Variants in MAOA observed in about 807,000 individuals in gnomAD.
MAOA encodes monoamine oxidase A.
A neutral mutation model predicts 42.0 loss-of-function variants in MAOA; 6 were observed. That is an observed-to-expected ratio of 0.14 (90% confidence interval 0.08 to 0.28). MAOA has a LOEUF of 0.28. Among genes scored for constraint, MAOA ranks in the 10% least tolerant of loss-of-function variants. The pLI is 1.00. For synonymous variants in MAOA, 140 were observed against 154.0 expected (o/e 0.91, Z 0.67); for missense variants, 262 against 422.3 (o/e 0.62, Z 3.33).
chrX:43,713,788 C>T (rs979669304), intron 5 of MAOA, among the ~76,000 whole-genome samples: 8 of 111,897 alleles, frequency 7.1e-5, no homozygotes, highest in African/African-American at 2.6e-4. Context: ...TTTGATGAAG[C>T]AATCTTTAAC....
At chrX:43,694,317 G>T (rs1026301205) in intron 3 of MAOA, among the ~76,000 whole-genome samples, 2 of 111,744 alleles carry the variant, frequency 1.8e-5, no homozygotes, top group Admixed American at 1.9e-4. Context: ...ACAGGGCTTT[G>T]GGTGTGTCCT....
chrX:43,702,306 T>C (rs2033630603), intron 3 of MAOA, among the ~76,000 whole-genome samples: 1 of 111,909 alleles, frequency 8.9e-6, no homozygotes, highest in Admixed American at 9.6e-5. Flanking sequence ...AGAGTTTTAG[T>C]AAGTGACAGT....
At chrX:43,730,673 G>A (rs763887496) in intron 6 of MAOA, among the ~76,000 whole-genome samples, 6 of 109,176 alleles carry the variant, frequency 5.5e-5, no homozygotes, top group African/African-American at 2.0e-4. Context: ...TGTAATTTTA[G>A]TACAGCCACA....
intron 3 of MAOA, among the ~76,000 whole-genome samples, chrX:43,709,020 C>T (rs2033680239): frequency 9.1e-6 from 1 of 110,222 alleles, no homozygotes; most frequent in Non-Finnish European, 1.9e-5. Flanking sequence ...ATCACCACGC[C>T]CTGCTAATTT....
intron 2 of MAOA, among the ~76,000 whole-genome samples, chrX:43,691,029 A>G (rs751889274): frequency 9.8e-5 from 11 of 111,947 alleles, no homozygotes; most frequent in Admixed American, 1.9e-4. Flanking sequence ...GAAGAGACCT[A>G]TTAAAGATAC....
intron 2 of MAOA, among the ~76,000 whole-genome samples, chrX:43,686,329 T>C (rs186808090): frequency 8.9e-6 from 1 of 112,538 alleles, no homozygotes; most frequent in East Asian, 2.8e-4. Flanking sequence ...CCCCAATTAC[T>C]TTGCCATGCT....
intron 8 of MAOA, among the ~76,000 whole-genome samples, chrX:43,732,065 A>G (rs1181939153): frequency 8.9e-6 from 1 of 111,764 alleles, no homozygotes; most frequent in African/African-American, 3.3e-5. Flanking sequence ...GAAGGAGATC[A>G]CATCAGTCAT....
intron 10 of MAOA, among the ~76,000 whole-genome samples, chrX:43,736,764 GT>G (rs1238461275): frequency 8.6e-4 from 87 of 101,402 alleles, no homozygotes; most frequent in East Asian, 1.2e-3. Flanking sequence ...TAGGACAGTG[GT>G]TTTTTTTTTT....
chrX:43,687,744 C>T (rs763809921), intron 2 of MAOA, among the ~76,000 whole-genome samples: 3 of 112,596 alleles, frequency 2.7e-5, no homozygotes, highest in Admixed American at 9.4e-5. Flanking sequence ...TCCTTAAGGC[C>T]GCTGTTCCAG....
intron 14 of MAOA, 62 bp from the exon 15 acceptor site, chrX:43,744,305 A>G: frequency 8.5e-7 from 1 of 1,173,944 alleles, no homozygotes; most frequent in Middle Eastern, 2.3e-4. Flanking sequence ...TGGATCTTGC[A>G]GTGTTTTGTT....
intron 3 of MAOA, among the ~76,000 whole-genome samples, chrX:43,699,089 C>T (rs1260203711): frequency 9.1e-6 from 1 of 110,453 alleles, no homozygotes; most frequent in African/African-American, 3.3e-5. Context: ...CTAGCCCGGG[C>T]AACATAGTGA....
chrX:43,740,667 GCT>G lies in MAOA; in HGVS notation c.1107-11_1107-10del. On this transcript the variant is annotated splice_polypyrimidine_tract_variant and intron_variant, in intron 10 of 14. Transcript: ENST00000338702. ...CTAACTTTATTTTTTTTTTTTTTTG[GCT>G]CTGTTTTATAGGAAGAAGAAAATCT... The G allele has an allele frequency of 8.8e-7, 1 of 1,140,852 alleles. No individual in the cohort carries two copies. Among genetic ancestry groups the G allele is most frequent in the Admixed American group, 2.7e-5 (1 of 37,444 alleles). The allele number at this position is 1,140,852 out of a possible 1,213,427, so 94.0% of individuals were successfully genotyped here.
At chrX:43,676,301 C>T (rs913099281) in intron 1 of MAOA, among the ~76,000 whole-genome samples, 26 of 112,026 alleles carry the variant, frequency 2.3e-4, no homozygotes, top group African/African-American at 7.1e-4. Flanking sequence ...GTCAGAAAAG[C>T]GCAGTATTAG....
Position 43,733,851 on chromosome X carries a change from A to G in MAOA, c.1052+1056A>G, listed in dbSNP as rs1386451078. ...ATAACCACTTCTCTCATTGTAACAT[A>G]TAAGAACACCAGCCTCCCTGAGAAA... is the stretch of plus-strand genomic sequence containing the variant. On this transcript the variant is annotated intron_variant, in intron 9 of 14. Transcript: ENST00000338702. Among the ~76,000 whole-genome samples the G allele has an allele frequency of 3.6e-5, 4 of 112,323 alleles. No homozygotes were observed. In the East Asian group the frequency reaches 1.1e-3, roughly 32 times the overall value.
intron 1 of MAOA, among the ~76,000 whole-genome samples, chrX:43,674,154 G>A (rs1601928319): frequency 9.0e-6 from 1 of 111,164 alleles, no homozygotes; most frequent in African/African-American, 3.3e-5. Context: ...TATATATTTA[G>A]GATAGATAGC....
At chrX:43,709,591 A>T (rs1353466860) in intron 3 of MAOA, among the ~76,000 whole-genome samples, 1 of 111,034 alleles carries the variant, frequency 9.0e-6, no homozygotes, top group Non-Finnish European at 1.9e-5. Flanking sequence ...TCAGTTTTGC[A>T]TTAGACTATT....
At chrX:43,710,706 C>A (rs1457742335) in intron 3 of MAOA, among the ~76,000 whole-genome samples, 1 of 112,052 alleles carries the variant, frequency 8.9e-6, no homozygotes, top group East Asian at 2.8e-4. Context: ...TTCCTAGGGA[C>A]TCACCTCTAC....
intron 2 of MAOA, among the ~76,000 whole-genome samples, chrX:43,690,911 A>C (rs962014627): frequency 9.0e-6 from 1 of 111,695 alleles, no homozygotes; most frequent in Admixed American, 9.6e-5. Flanking sequence ...AAGAGTTAGA[A>C]AATTAAGAGC....
intron 2 of MAOA, among the ~76,000 whole-genome samples, chrX:43,685,946 G>C (rs1463405467): frequency 8.9e-6 from 1 of 111,898 alleles, no homozygotes; most frequent in Non-Finnish European, 1.9e-5. Flanking sequence ...TGATGTCTTG[G>C]ATAAGTCCTA....
Sources: gnomAD v4.1 joint callset for allele counts (sites outside exome capture counted in the v4.1 genomes callset) on GRCh38, gnomAD v4.1.1 for gene constraint, MANE v1.5 for transcripts, NCBI Gene and HGNC (gene_info 2026-07-23, HGNC 2026-07-21) for gene names.